The following RFX4 variants were observed in gnomAD, a reference collection of about 807,000 sequenced individuals.
The protein encoded by RFX4 is regulatory factor X4, also known as transcription factor RFX4.
In RFX4, 10 loss-of-function variants were observed where a neutral mutation model predicts 95.0. The ratio of observed to expected loss-of-function variants is 0.11; its 90% CI spans 0.06 to 0.18. The LOEUF (loss-of-function observed/expected upper bound fraction) is 0.18, where lower values mean the gene tolerates loss of function less well. Among genes scored for constraint, RFX4 ranks in the 10% least tolerant of loss-of-function variants. The pLI is 1.00. For missense variants in RFX4, 640 were observed against 922.0 expected (o/e 0.69, Z 3.96); for synonymous variants, 321 against 340.7 (o/e 0.94, Z 0.64).
At chr12:106,645,243 G>A (rs1392716742) in intron 3 of RFX4, among the ~76,000 whole-genome samples, 2 of 152,174 alleles carry the variant, frequency 1.3e-5, no homozygotes, top group South Asian at 2.1e-4. Flanking sequence ...GGTGAGCGCT[G>A]CTGGAATCCC....
chr12:106,724,185 T>C (rs2042448047), intron 13 of RFX4, among the ~76,000 whole-genome samples: 1 of 152,198 alleles, frequency 6.6e-6, no homozygotes, highest in African/African-American at 2.4e-5. Context: ...GACAAGATAA[T>C]GATGACTATT....
intron 10 of RFX4, among the ~76,000 whole-genome samples, chr12:106,712,047 C>T (rs1030960661): frequency 1.3e-5 from 2 of 152,180 alleles, no homozygotes; most frequent in Admixed American, 6.5e-5. Context: ...CATATAACTA[C>T]ATTTCTATTA....
chr12:106,606,467 G>C (rs1361558721), intron 1 of RFX4, among the ~76,000 whole-genome samples: 1 of 152,024 alleles, frequency 6.6e-6, no homozygotes. Flanking sequence ...AGAAGTGAGT[G>C]GAGTCATTCT....
Position 106,711,526 on chromosome 12 carries a change from T to C in RFX4, c.993+15T>C. Reference sequence around the variant, plus strand: ...ATCTCTGCCAGGTAGCTGTCCTCCATTATGTGTTTTAATCACTGCTGAGTC... The same window carrying C: ...ATCTCTGCCAGGTAGCTGTCCTCCACTATGTGTTTTAATCACTGCTGAGTC... On this transcript the variant is annotated intron_variant, in intron 10 of 17. Transcript: ENST00000392842. 3 of 1,612,988 alleles carry C rather than the reference T, an allele frequency of 1.9e-6. No individual in the cohort carries two copies. Among genetic ancestry groups the C allele is most frequent in the Middle Eastern group, 1.7e-4 (1 of 6,060 alleles).
chr12:106,734,275 TACTTAATGCCATTGA>T (rs1452486623), intron 15 of RFX4, among the ~76,000 whole-genome samples: 3 of 152,134 alleles, frequency 2.0e-5, no homozygotes, highest in Admixed American at 6.6e-5. Flanking sequence ...ATGGTGAATG[TACTTAATGCCATTGA>T]ACTGTACACT....
At chr12:106,712,489 CT>C (rs1161143823) in intron 10 of RFX4, among the ~76,000 whole-genome samples, 1 of 152,168 alleles carries the variant, frequency 6.6e-6, no homozygotes, top group African/African-American at 2.4e-5. Context: ...CTTTAAGGTG[CT>C]GTTGGTTCTG....
intron 10 of RFX4, among the ~76,000 whole-genome samples, chr12:106,713,961 T>C (rs938962329): frequency 6.8e-6 from 1 of 147,342 alleles, no homozygotes; most frequent in Non-Finnish European, 1.5e-5. Context: ...TCCCAGCTAC[T>C]AGGGAGGCTG....
intron 8 of RFX4, among the ~76,000 whole-genome samples, chr12:106,702,009 AATT>A (rs1274709647): frequency 1.3e-5 from 2 of 152,028 alleles, no homozygotes; most frequent in Non-Finnish European, 1.5e-5. Flanking sequence ...CTCTAATAAT[AATT>A]ATTATCACAT....
At chr12:106,661,919 T>C (rs2041082546) in intron 4 of RFX4, among the ~76,000 whole-genome samples, 1 of 152,218 alleles carries the variant, frequency 6.6e-6, no homozygotes, top group Non-Finnish European at 1.5e-5. Context: ...TGCTGAATAA[T>C]ATTTCATTGT....
intron 2 of RFX4, among the ~76,000 whole-genome samples, chr12:106,635,348 A>G (rs1366116339): frequency 6.6e-6 from 1 of 152,020 alleles, no homozygotes; most frequent in East Asian, 1.9e-4. Flanking sequence ...ACAGGGTTTC[A>G]CTCCTGTCAC....
chr12:106,736,430 G>T (rs1377049795), intron 15 of RFX4, among the ~76,000 whole-genome samples: 1 of 152,106 alleles, frequency 6.6e-6, no homozygotes, highest in African/African-American at 2.4e-5. Flanking sequence ...ACTTCCAGGT[G>T]ATTTTGATGC....
chr12:106,674,914 C>T (rs1436763081), intron 4 of RFX4, among the ~76,000 whole-genome samples: 3 of 152,098 alleles, frequency 2.0e-5, no homozygotes, highest in African/African-American at 7.2e-5. Context: ...GCTTGTTGAA[C>T]ATGGGGAAAA....
intron 2 of RFX4, among the ~76,000 whole-genome samples, chr12:106,635,941 A>G (rs2040501924): frequency 6.6e-6 from 1 of 152,184 alleles, no homozygotes; most frequent in Non-Finnish European, 1.5e-5. Context: ...TTAGGGGTTC[A>G]CTTACCCACA....
rs2042149014 is a variant in RFX4 at position 106,709,312 on chromosome 12, C to T, written c.834-18C>T. Reference sequence around the variant, plus strand: ...AGCAACATGTGCAGCACTTAAAACTCATCGTTTCTTTTTCTAGCTTAACTC... The same window carrying T: ...AGCAACATGTGCAGCACTTAAAACTTATCGTTTCTTTTTCTAGCTTAACTC... On this transcript the variant is annotated intron_variant, in intron 8 of 17. Transcript: ENST00000392842. 6.2e-7 allele frequency: 1 copy of T among 1,606,508 alleles called. No individual in the cohort carries two copies. The highest frequency in any genetic ancestry group is 1.7e-5 in the Admixed American group (1 of 59,780).
At chr12:106,632,768 C>T (rs1385193082) in intron 2 of RFX4, among the ~76,000 whole-genome samples, 4 of 152,230 alleles carry the variant, frequency 2.6e-5, no homozygotes, top group South Asian at 2.1e-4. Flanking sequence ...ATCCTCCCAG[C>T]TCAGCCTCCT....
intron 13 of RFX4, among the ~76,000 whole-genome samples, chr12:106,726,987 G>A (rs1342289512): frequency 1.3e-5 from 2 of 152,022 alleles, no homozygotes; most frequent in African/African-American, 2.4e-5. Flanking sequence ...GGCCAGGCTG[G>A]TCAGGAACTC....
chr12:106,758,720 G>A (rs1294064682), intron 17 of RFX4, among the ~76,000 whole-genome samples: 1 of 152,242 alleles, frequency 6.6e-6, no homozygotes, highest in African/African-American at 2.4e-5. Flanking sequence ...CCTCCAAAAA[G>A]GGAGTGCTCT....
At chr12:106,686,274 G>A (rs2041643204) in intron 5 of RFX4, among the ~76,000 whole-genome samples, 1 of 152,112 alleles carries the variant, frequency 6.6e-6, no homozygotes, top group South Asian at 2.1e-4. Context: ...AGCTGGGTGT[G>A]GTGGCACATG....
At chr12:106,612,797 C>T (rs924932493) in intron 2 of RFX4, among the ~76,000 whole-genome samples, 2 of 151,280 alleles carry the variant, frequency 1.3e-5, no homozygotes, top group Non-Finnish European at 2.9e-5. Context: ...AAGATTGCAC[C>T]ACTGCACTCC....
Sources: allele counts gnomAD v4.1 joint callset (sites outside exome capture counted in the v4.1 genomes callset), GRCh38; gene constraint gnomAD v4.1.1; transcripts MANE v1.5; gene names NCBI Gene and HGNC (gene_info 2026-07-23, HGNC 2026-07-21).